The following ZNF500 variants were observed in gnomAD, a reference collection of about 807,000 sequenced individuals.
The protein encoded by ZNF500 is zinc finger protein with KRAB and SCAN domains 18.
In ZNF500, 31 loss-of-function variants were observed where a neutral mutation model predicts 30.1. The ratio of observed to expected loss-of-function variants is 1.03; its 90% CI spans 0.77 to 1.39. The LOEUF (loss-of-function observed/expected upper bound fraction) is 1.39. Ranked by LOEUF, ZNF500 falls within the 40% of genes most tolerant of loss-of-function variation. The pLI, the probability that ZNF500 is intolerant of heterozygous loss-of-function variation, is 0.00. For missense variants in ZNF500, 817 were observed against 657.8 expected, an observed-to-expected ratio of 1.24 and a Z score of -2.65; for synonymous variants, 392 against 282.0, an observed-to-expected ratio of 1.39 and a Z score of -3.91.
chr16:4,756,814 C>A (rs1191260724), intron 5 of ZNF500, among the ~76,000 whole-genome samples: 5 of 152,014 alleles, frequency 3.3e-5, no homozygotes, highest in Admixed American at 6.6e-5. Flanking sequence ...CCGTGCCCGG[C>A]CCAAAAATTT....
Position 4,753,008 on chromosome 16 carries a change from A to G in ZNF500, c.811T>C (p.Leu271=), listed in dbSNP as rs375525779. 3.2e-6 allele frequency: 5 copies of G among 1,565,906 alleles called. No individual in the cohort carries two copies. The African/African-American group carries it at 4.1e-5, about 13-fold the overall frequency. ...DGGDGREDAP[L]RMEWYRVLSA... ...AGCACTCGGTACCACTCCATTCTCA[A>G]CGGGGCATCCTCCCTGCCATCACCG... is the stretch of plus-strand genomic sequence containing the variant. The change falls in exon 6 of 6, where the codon TTG becomes CTG. Residue 271 remains leucine, a synonymous_variant. Transcript: ENST00000219478.
At chr16:4,745,059 C>T (rs2081997040), downstream of ZNF500, 2 of 1,590,954 alleles carry the variant, frequency 1.3e-6, no homozygotes, top group Admixed American at 1.7e-5. Flanking sequence ...TAGAATGGCC[C>T]CATGGTTTTG....
chr16:4,762,794 AGGCC>A, intron 2 of ZNF500, 38 bp from the exon 3 acceptor site: 1 of 1,542,956 alleles, frequency 6.5e-7, no homozygotes, highest in South Asian at 1.2e-5. Flanking sequence ...AGCTCCCAGA[AGGCC>A]AGAAGGAAAA....
Position 4,751,898 on chromosome 16 carries a change from G to A in ZNF500, c.*478C>T. On this transcript the variant is annotated 3_prime_UTR_variant, in exon 6 of 6. Coordinates refer to ENST00000219478, the MANE Select transcript of ZNF500 (RefSeq NM_021646.4). ...ATTCCCGCCTGGGGGACACAGCAAG[G>A]CCCCGTCTCAAAAAAAAAAGGGGGG... 1 of 209,072 alleles carries A rather than the reference G, an allele frequency of 4.8e-6. No individual in the cohort carries two copies. The highest frequency in any genetic ancestry group is 2.6e-5 in the African/African-American group (1 of 38,548). 13.0% of individuals were successfully genotyped at this position (209,072 alleles called of 1,614,324 possible).
At chr16:4,744,493 A>C (rs1247456622), downstream of ZNF500, among the ~76,000 whole-genome samples, 2 of 152,160 alleles carry the variant, frequency 1.3e-5, no homozygotes, top group Non-Finnish European at 2.9e-5. Context: ...AAGTGAAAAA[A>C]GTGAAGTTGA....
In ZNF500 at chr16:4,762,735, C is replaced by A; in HGVS notation, c.436G>T (p.Asp146Tyr). 6.2e-7 allele frequency: 1 copy of A among 1,610,206 alleles called. No individual in the cohort carries two copies. Among genetic ancestry groups the A allele is most frequent in the Non-Finnish European group, 8.5e-7 (1 of 1,178,132 alleles). Residue 146 changes from aspartate (D) to tyrosine (Y), a missense_variant, in exon 3 of 6, where the codon GAC (aspartate) becomes TAC (tyrosine). Coordinates refer to ENST00000219478, the MANE Select transcript of ZNF500 (RefSeq NM_021646.4). ...RQRGSELLSDDEVPLGIGGQF... is the reference protein window; with the variant it reads ...RQRGSELLSDYEVPLGIGGQF... Reference sequence around the variant, plus strand: ...CCCCCTATCCCGAGGGGCACCTCGTCATCAGAAAGCAGCTCTGAGCCCTGC... The same window carrying A: ...CCCCCTATCCCGAGGGGCACCTCGTAATCAGAAAGCAGCTCTGAGCCCTGC...
In ZNF500 at chr16:4,748,429, CAT is replaced by C. The variant is rs1253844293; in HGVS notation, c.*3945_*3946del. On this transcript the variant is annotated 3_prime_UTR_variant, in exon 6 of 6. Transcript: ENST00000219478. ...TCTTTACCTAAGATAGAAAGGCACA[CAT>C]AGATTCTCAAGGCCTTTGACCTTTA... 8 of 152,148 alleles carry C rather than the reference CAT, an allele frequency of 5.3e-5. No homozygotes were observed. The highest frequency in any genetic ancestry group is 1.9e-4 in the African/African-American group (8 of 41,432). The allele number at this position is 152,148 out of a possible 1,614,324, so 9.4% of individuals were successfully genotyped here. A position where few individuals can be genotyped will look rare whatever the true frequency, so the allele number is the denominator to read the frequency against.
rs1237337788 is a variant in ZNF500 at position 4,762,547 on chromosome 16, C to T, written c.598+26G>A. On this transcript the variant is annotated intron_variant, in intron 3 of 5. Transcript: ENST00000219478. ...CACCTCCCTCCCCTGCACCACTTCT[C>T]ATTCCTCCAAAGGGGTGCTACTCAC... The T allele has an allele frequency of 3.1e-6, 5 of 1,593,412 alleles. No homozygotes were observed. In the East Asian group the frequency reaches 9.0e-5, roughly 29 times the overall value.
In ZNF500 at chr16:4,749,334, A is replaced by T. The variant is rs2082056692; in HGVS notation, c.*3042T>A. On this transcript the variant is annotated 3_prime_UTR_variant, in exon 6 of 6. Coordinates refer to ENST00000219478, the MANE Select transcript of ZNF500 (RefSeq NM_021646.4). ...TTCTTCCATTTCTCCCACCTTTTTA[A>T]TGCCAGTAACCTCACTGAGAATGTT... 6.5e-6 allele frequency: 1 copy of T among 154,378 alleles called. No homozygotes were observed. The highest frequency in any genetic ancestry group is 2.4e-5 in the African/African-American group (1 of 41,508). 9.6% of individuals were successfully genotyped at this position (154,378 alleles called of 1,614,324 possible). A position where few individuals can be genotyped will look rare whatever the true frequency, so the allele number is the denominator to read the frequency against.
intron 2 of ZNF500, among the ~76,000 whole-genome samples, chr16:4,764,488 G>C (rs1253791334): frequency 6.8e-6 from 1 of 147,180 alleles, no homozygotes; most frequent in Non-Finnish European, 1.5e-5. Flanking sequence ...AAAAATAAAA[G>C]TAAAATAAAT....
At chr16:4,761,733 G>A (rs1307153941) in intron 4 of ZNF500, among the ~76,000 whole-genome samples, 1 of 150,274 alleles carries the variant, frequency 6.7e-6, no homozygotes, top group Non-Finnish European at 1.5e-5. Context: ...GTGCATGCCT[G>A]TAGTCCCAAC....
intron 4 of ZNF500, among the ~76,000 whole-genome samples, chr16:4,761,054 C>T (rs554453446): frequency 1.3e-5 from 2 of 152,230 alleles, no homozygotes; most frequent in African/African-American, 4.8e-5. Context: ...TTCACAGAGA[C>T]AAGAAGGAGC....
rs147439035 is a variant in ZNF500, at chr16:4,761,945, G to T, written c.663+326C>A. 5.1e-3 allele frequency among the ~76,000 whole-genome samples: 779 copies of T among 152,324 alleles called. 5 individuals are homozygous for T. The highest frequency in any genetic ancestry group is 6.7e-3 in the Non-Finnish European group (458 of 68,032). The stretch of plus-strand genomic sequence containing the variant: ...GACTCCCATTCCAGCCCAGCGGTGT[G>T]GGAGGAAGCTGTGTTTTCCCCCAGA... On this transcript the variant is annotated intron_variant, in intron 4 of 5. Coordinates refer to ENST00000219478, the MANE Select transcript of ZNF500 (RefSeq NM_021646.4).
chr16:4,752,674 G>T lies in ZNF500; in HGVS notation c.1145C>A (p.Pro382Gln). 2 of 1,613,888 alleles carry T rather than the reference G, an allele frequency of 1.2e-6. No individual in the cohort carries two copies. The highest frequency in any genetic ancestry group is 1.7e-4 in the Middle Eastern group (1 of 6,060). The change falls in exon 6 of 6, where the codon CCG (proline) becomes CAG (glutamine). Residue 382 changes from proline to glutamine, a missense_variant. Pro to Gln is a moderately conservative substitution (Grantham distance 76). Transcript: ENST00000219478. Reference sequence around the variant, plus strand: ...GAAGCGCTTCCCACACTCGGGGCACGGGTAGGGCTTCTCGCCTGTGTGCAC... The same window carrying T: ...GAAGCGCTTCCCACACTCGGGGCACTGGTAGGGCTTCTCGCCTGTGTGCAC... ...QRVHTGEKPY[P>Q]CPECGKRFSQ...
chr16:4,752,617 C>T lies in ZNF500; in HGVS notation c.1202G>A (p.Arg401Lys). 1 of 1,607,014 alleles carries T rather than the reference C, an allele frequency of 6.2e-7. No homozygotes were observed. The highest frequency in any genetic ancestry group is 1.3e-5 in the African/African-American group (1 of 74,886). The change falls in exon 6 of 6, where the codon AGG becomes AAG. Residue 401 changes from arginine (R) to lysine (K), a missense_variant. Physicochemically the swap from Arg to Lys is conservative, Grantham distance 26 (BLOSUM62 2). Transcript: ENST00000219478. ...ATAGGGCCGCTCCCCGCTGTGTGTC[C>T]TGCGGTGGATGACCAGGCTGGAGCT... ...SQSSSLVIHR[R>K]THSGERPYAC...
At chr16:4,745,563 G>GCGGAGATTC (rs2082004433), downstream of ZNF500, among the ~76,000 whole-genome samples, 1 of 152,198 alleles carries the variant, frequency 6.6e-6, no homozygotes, top group African/African-American at 2.4e-5. Flanking sequence ...CACTTTGGTT[G>GCGGAGATTC]CTCCGCACTT....
chr16:4,746,392 A>G (rs737700), downstream of ZNF500: 1,040,794 of 1,611,516 alleles, frequency 0.65, 338,617 homozygotes, highest in East Asian at 0.69. Context: ...TCAAGGAAGC[A>G]GGGCTCCCAG....
chr16:4,745,037 C>A (rs770600006), downstream of ZNF500: 1 of 1,606,122 alleles, frequency 6.2e-7, no homozygotes, highest in Non-Finnish European at 8.5e-7. Context: ...AGGCCCGGCT[C>A]CTGTGGTCCT....
At chr16:4,760,657 C>A in intron 4 of ZNF500, 69 bp from the exon 5 acceptor site, 1 of 1,418,332 alleles carries the variant, frequency 7.1e-7, no homozygotes, top group Admixed American at 1.8e-5. Flanking sequence ...AGGCCACTGG[C>A]CCAGGGAGCT....
Sources: gnomAD v4.1 joint callset for allele counts (sites outside exome capture counted in the v4.1 genomes callset) on GRCh38, gnomAD v4.1.1 for gene constraint, MANE v1.5 for transcripts, NCBI Gene and HGNC (gene_info 2026-07-23, HGNC 2026-07-21) for gene names.